Variants in PAAF1 observed in about 807,000 individuals in gnomAD.
PAAF1 encodes the protein proteasomal ATPase-associated factor 1.
Under a neutral mutation model 52.8 loss-of-function variants are expected in PAAF1, and 46 were observed. The observed-to-expected ratio is 0.87, with a 90% CI of 0.69 to 1.11. The LOEUF is 1.11. Among genes scored for constraint, PAAF1 ranks in the 50% most tolerant of loss-of-function variants. PAAF1 has a pLI of 0.00. For missense variants in PAAF1, 424 were observed against 477.4 expected, an observed-to-expected ratio of 0.89 and a Z score of 1.04; for synonymous variants, 178 against 172.8, an observed-to-expected ratio of 1.03 and a Z score of -0.24.
chr11:73,904,597 A>G (rs763123240), intron 6 of PAAF1, among the ~76,000 whole-genome samples: 5 of 152,142 alleles, frequency 3.3e-5, no homozygotes, highest in African/African-American at 9.7e-5. Context: ...GAAATTGGCT[A>G]TGCCGCCTCC....
chr11:73,915,274 C>T (rs1393822792), intron 8 of PAAF1, among the ~76,000 whole-genome samples: 1 of 152,080 alleles, frequency 6.6e-6, no homozygotes, highest in Non-Finnish European at 1.5e-5. Context: ...TTTATGAGTC[C>T]TGCTACCTCT....
chr11:73,927,543 G>A lies in PAAF1; in HGVS notation c.*181G>A. Reference sequence around the variant, plus strand: ...CTCATCCCAAGACCTACTTTGAACTGAGTAAGAAGGTCATTGTGCCCACTG... The same window carrying A: ...CTCATCCCAAGACCTACTTTGAACTAAGTAAGAAGGTCATTGTGCCCACTG... On this transcript the variant is annotated 3_prime_UTR_variant, in exon 12 of 12. Transcript: ENST00000310571. 1 of 608,350 alleles carries A rather than the reference G, an allele frequency of 1.6e-6. No homozygotes were observed. Among genetic ancestry groups the A allele is most frequent in the Non-Finnish European group, 2.9e-6 (1 of 342,484 alleles). 37.7% of individuals were successfully genotyped at this position (608,350 alleles called of 1,614,324 possible). A position where few individuals can be genotyped will look rare whatever the true frequency, so the allele number is the denominator to read the frequency against.
At chr11:73,891,852 AG>A (rs35338762) in intron 4 of PAAF1, among the ~76,000 whole-genome samples, 1 of 152,212 alleles carries the variant, frequency 6.6e-6, no homozygotes, top group Non-Finnish European at 1.5e-5. Context: ...CCTATAGGAC[AG>A]GGATATTTTC....
chr11:73,893,603 G>A (rs1949258089), intron 4 of PAAF1, among the ~76,000 whole-genome samples: 1 of 151,496 alleles, frequency 6.6e-6, no homozygotes, highest in Non-Finnish European at 1.5e-5. Flanking sequence ...CAGGCGTGGT[G>A]GCGTGCACCT....
chr11:73,905,237 T>C (rs114969408), intron 6 of PAAF1, among the ~76,000 whole-genome samples: 1,561 of 152,228 alleles, frequency 0.01, 24 homozygotes, highest in African/African-American at 0.035. Context: ...TTTCTTTTTT[T>C]TTTTGAGACA....
chr11:73,919,256 C>T (rs1261963705), intron 10 of PAAF1, among the ~76,000 whole-genome samples: 3 of 152,132 alleles, frequency 2.0e-5, no homozygotes, highest in African/African-American at 2.4e-5. Flanking sequence ...TTGTGTTATT[C>T]CCAGAATTTA....
chr11:73,883,392 C>A (rs555403206), intron 2 of PAAF1, among the ~76,000 whole-genome samples: 1 of 152,210 alleles, frequency 6.6e-6, no homozygotes, highest in Non-Finnish European at 1.5e-5. Context: ...TTTCCACCCC[C>A]CAATCCTAGC....
At chr11:73,876,799 G>C (rs779057893), upstream of PAAF1, 2 of 412,258 alleles carry the variant, frequency 4.9e-6, no homozygotes, top group Non-Finnish European at 8.5e-6. Flanking sequence ...GCTCCTACGC[G>C]GCGGCTTGGG....
chr11:73,927,506 C>A lies in PAAF1; in HGVS notation c.*144C>A. On this transcript the variant is annotated 3_prime_UTR_variant, in exon 12 of 12. Transcript: ENST00000310571. ...AATCACAGAAAGTCAGCTGTACTGG[C>A]CGTGTGGAACTCTCATCCCAAGACC... is the stretch of plus-strand genomic sequence containing the variant. 1.5e-6 allele frequency: 1 copy of A among 681,752 alleles called. No homozygotes were observed. The highest frequency in any genetic ancestry group is 2.6e-6 in the Non-Finnish European group (1 of 391,970). 42.2% of individuals were successfully genotyped at this position (681,752 alleles called of 1,614,324 possible). A position where few individuals can be genotyped will look rare whatever the true frequency, so the allele number is the denominator to read the frequency against.
At chr11:73,926,262 A>G (rs1290415436) in intron 11 of PAAF1, among the ~76,000 whole-genome samples, 1 of 151,970 alleles carries the variant, frequency 6.6e-6, no homozygotes, top group Non-Finnish European at 1.5e-5. Context: ...ATGCGCCACC[A>G]CACCCGGCTA....
chr11:73,924,336 C>T (rs1036938003), intron 10 of PAAF1, among the ~76,000 whole-genome samples: 2 of 152,072 alleles, frequency 1.3e-5, no homozygotes, highest in African/African-American at 4.8e-5. Flanking sequence ...ATCCCAGCTG[C>T]TTGGGAGGCT....
chr11:73,924,789 G>A, intron 11 of PAAF1, 92 bp downstream of exon 11: 1 of 1,017,396 alleles, frequency 9.8e-7, no homozygotes, highest in South Asian at 1.4e-5. Flanking sequence ...GTGGTCATTA[G>A]GGATGATAAA....
At chr11:73,905,863 G>A (rs191153038) in intron 6 of PAAF1, among the ~76,000 whole-genome samples, 4 of 152,058 alleles carry the variant, frequency 2.6e-5, no homozygotes, top group South Asian at 2.1e-4. Context: ...TATCACTTCC[G>A]TGGAACTCAG....
chr11:73,876,855 G>A, upstream of PAAF1: 2 of 659,964 alleles, frequency 3.0e-6, no homozygotes, highest in Non-Finnish European at 4.6e-6. Flanking sequence ...TCAGGAACCA[G>A]CCCCTCGTGG....
At chr11:73,903,191 C>G (rs980912006) in intron 6 of PAAF1, among the ~76,000 whole-genome samples, 1 of 152,280 alleles carries the variant, frequency 6.6e-6, no homozygotes, top group East Asian at 1.9e-4. Context: ...GAAGTCAGAT[C>G]CAGGCTGGCC....
chr11:73,927,686 A>G lies in PAAF1; in HGVS notation c.*324A>G, dbSNP rs550193889. The G allele has an allele frequency of 4.3e-5, 14 of 323,606 alleles. No individual in the cohort carries two copies. Among genetic ancestry groups the G allele is most frequent in the Non-Finnish European group, 6.9e-5 (12 of 175,118 alleles). 20.0% of individuals were successfully genotyped at this position (323,606 alleles called of 1,614,324 possible). On this transcript the variant is annotated 3_prime_UTR_variant, in exon 12 of 12. Transcript: ENST00000310571. ...AAATGTTTACAAGGACCTCAGTACT[A>G]AAGCCTGTTCTCTGGAGGAAATAAA...
At chr11:73,878,903 C>A in intron 2 of PAAF1, 84 bp downstream of exon 2, 1 of 1,309,146 alleles carries the variant, frequency 7.6e-7, no homozygotes, top group Non-Finnish European at 1.1e-6. Context: ...TTTCTCCTGG[C>A]CCAGCCTCCT....
At position 73,930,611 on chromosome 11, in the gene PAAF1, G is replaced by A. The variant is rs1468088353; in HGVS notation, c.*3249G>A. On this transcript the variant is annotated 3_prime_UTR_variant, in exon 12 of 12. Coordinates refer to ENST00000310571, the MANE Select transcript of PAAF1 (RefSeq NM_025155.3). ...AAAATACAAAACTTAGCCAGGTGTGGTGGTGGGCACCTGTAATACCAGCTA... is the reference window on the plus strand; with the variant it reads ...AAAATACAAAACTTAGCCAGGTGTGATGGTGGGCACCTGTAATACCAGCTA... The A allele has an allele frequency of 6.6e-6, 1 of 151,734 alleles. No homozygotes were observed. Among genetic ancestry groups the A allele is most frequent in the Non-Finnish European group, 1.5e-5 (1 of 67,982 alleles). The allele number at this position is 151,734 out of a possible 1,614,324, so 9.4% of individuals were successfully genotyped here.
In PAAF1 at chr11:73,897,990, A is replaced by G. The variant is rs1591074096; in HGVS notation, c.283-1156A>G. On this transcript the variant is annotated intron_variant, in intron 4 of 11. Transcript: ENST00000310571. The stretch of plus-strand genomic sequence containing the variant: ...ATGGTTAGGAGCTGCAGACCAGCCC[A>G]GCCAACACAGCGAATCCCCGTCTCC... Among the ~76,000 whole-genome samples, 5 of 152,306 alleles carry G rather than the reference A, an allele frequency of 3.3e-5. No individual in the cohort carries two copies. The South Asian group carries it at 6.2e-4, about 19-fold the overall frequency.
Sources: gnomAD v4.1 joint callset for allele counts (sites outside exome capture counted in the v4.1 genomes callset) on GRCh38, gnomAD v4.1.1 for gene constraint, MANE v1.5 for transcripts, NCBI Gene and HGNC (gene_info 2026-07-23, HGNC 2026-07-21) for gene names.